USP34: variants seen among roughly 807,000 people sequenced by gnomAD.
USP34 encodes ubiquitin carboxyl-terminal hydrolase 34.
USP34 carries 70 observed loss-of-function variants against 460.3 expected under a neutral mutation model. The ratio of observed to expected loss-of-function variants is 0.15; its 90% CI spans 0.13 to 0.19. The LOEUF (loss-of-function observed/expected upper bound fraction) is 0.19. Ranked by LOEUF, USP34 falls within the 10% of genes least tolerant of loss-of-function variation. USP34 has a pLI of 1.00. For synonymous variants in USP34, 1,647 were observed against 1,405.3 expected (o/e 1.17, Z -3.85); for missense variants, 3,985 against 4,236.2 (o/e 0.94, Z 1.65).
chr2:61,388,164 G>T (rs1693224845), intron 5 of USP34, among the ~76,000 whole-genome samples: 1 of 151,892 alleles, frequency 6.6e-6, no homozygotes, highest in Non-Finnish European at 1.5e-5. Flanking sequence ...GATCGCCTGA[G>T]CCCAGGAAGT....
chr2:61,350,179 C>T, intron 12 of USP34, 81 bp downstream of exon 12: 1 of 1,402,452 alleles, frequency 7.1e-7, no homozygotes. Flanking sequence ...AAAGATTGAA[C>T]TGAATGTATT....
chr2:61,454,947 TCTTGGCTCACTGCAAC>T (rs1291967035), intron 1 of USP34, among the ~76,000 whole-genome samples: 1 of 146,420 alleles, frequency 6.8e-6, no homozygotes, highest in Non-Finnish European at 1.5e-5. Flanking sequence ...AGTGGTGCCA[TCTTGGCTCACTGCAAC>T]CTCCACCTCC....
chr2:61,380,043 T>C (rs1448819119), intron 7 of USP34, 126 bp downstream of exon 7: 1 of 716,654 alleles, frequency 1.4e-6, no homozygotes, highest in Non-Finnish European at 2.2e-6. Context: ...GAAGACCATA[T>C]AAAGTAATCC....
chr2:61,384,073 C>G (rs191768777), intron 5 of USP34, among the ~76,000 whole-genome samples: 1 of 152,068 alleles, frequency 6.6e-6, no homozygotes, highest in Admixed American at 6.5e-5. Context: ...TTTCAAATTA[C>G]CCATAATTTC....
At position 61,236,358 on chromosome 2, in the gene USP34, T is replaced by A. The variant is rs1460105315; in HGVS notation, c.6809A>T (p.Gln2270Leu). The A allele has an allele frequency of 1.2e-6, 2 of 1,605,072 alleles. No individual in the cohort carries two copies. Among genetic ancestry groups the A allele is most frequent in the Non-Finnish European group, 8.5e-7 (1 of 1,176,416 alleles). ...TGTATGTTCAAAAATGTTTTTGTCT[T>A]GAAGAAACTGCATGTTATCATGCCA... ...WIWHDNMQFL[Q>L]DKNIFEHTYF... Residue 2270 changes from glutamine to leucine, a missense_variant, in exon 54 of 80, where the codon CAA becomes CTA. Transcript: ENST00000398571.
intron 1 of USP34, among the ~76,000 whole-genome samples, chr2:61,459,551 G>T (rs1471622753): frequency 6.6e-6 from 1 of 152,058 alleles, no homozygotes; most frequent in Non-Finnish European, 1.5e-5. Flanking sequence ...AAGACGGGCG[G>T]ATCACTTCAG....
At chr2:61,283,688 C>G (rs1413580643) in intron 35 of USP34, among the ~76,000 whole-genome samples, 3 of 152,058 alleles carry the variant, frequency 2.0e-5, no homozygotes, top group Non-Finnish European at 4.4e-5. Context: ...ATGATCATGG[C>G]TCACTGCAGC....
intron 75 of USP34, among the ~76,000 whole-genome samples, chr2:61,199,454 C>A (rs1429016661): frequency 6.6e-6 from 1 of 152,186 alleles, no homozygotes; most frequent in African/African-American, 2.4e-5. Context: ...CAGGGTTTTG[C>A]CATGTAGGCT....
chr2:61,458,883 T>C (rs573517343), intron 1 of USP34, among the ~76,000 whole-genome samples: 184 of 152,036 alleles, frequency 1.2e-3, no homozygotes, highest in African/African-American at 3.4e-3. Flanking sequence ...CTGGTCAACA[T>C]GGTGAAACCC....
Position 61,470,710 on chromosome 2 carries a change from C to T in USP34, c.-18G>A. The T allele has an allele frequency of 6.3e-7, 1 of 1,588,990 alleles. No homozygotes were observed. The highest frequency in any genetic ancestry group is 8.6e-7 in the Non-Finnish European group (1 of 1,167,092). On this transcript the variant is annotated 5_prime_UTR_variant, in exon 1 of 80. Coordinates refer to ENST00000398571, the MANE Select transcript of USP34 (RefSeq NM_014709.4). ...TCGCACATCGTTCGGCCGCCGCCCCCCCCCTCCCCCGCTTCGGATCACACT... is the reference window on the plus strand; with the variant it reads ...TCGCACATCGTTCGGCCGCCGCCCCTCCCCTCCCCCGCTTCGGATCACACT...
At position 61,310,106 on chromosome 2, in the gene USP34, C is replaced by G. The variant is rs570447781; in HGVS notation, c.3817+1434G>C. ...GGAAATGATGTTATTGGGTAGGACA[C>G]AATACTAGCTTCTACTAGTGTTCTA... On this transcript the variant is annotated intron_variant, in intron 27 of 79. Transcript: ENST00000398571. Among the ~76,000 whole-genome samples the G allele has an allele frequency of 9.8e-5, 15 of 152,290 alleles. 1 individual carries two copies. The South Asian group carries it at 2.3e-3, about 23-fold the overall frequency.
At chr2:61,429,828 G>A (rs1219041096) in intron 1 of USP34, among the ~76,000 whole-genome samples, 6 of 152,168 alleles carry the variant, frequency 3.9e-5, no homozygotes, top group Non-Finnish European at 7.4e-5. Flanking sequence ...TTGGGAGGCC[G>A]AGGCGGGCAG....
intron 2 of USP34, among the ~76,000 whole-genome samples, chr2:61,410,978 C>T (rs1007241590): frequency 2.0e-5 from 3 of 152,182 alleles, no homozygotes; most frequent in East Asian, 3.9e-4. Flanking sequence ...TTAAAACCTG[C>T]AGGTTCCCAT....
intron 1 of USP34, among the ~76,000 whole-genome samples, chr2:61,440,264 C>T (rs985395494): frequency 6.6e-6 from 1 of 152,138 alleles, no homozygotes; most frequent in Non-Finnish European, 1.5e-5. Flanking sequence ...CTCAAATTCC[C>T]TGAGGTCAAA....
At chr2:61,423,694 A>G (rs1292010799) in intron 1 of USP34, among the ~76,000 whole-genome samples, 1 of 152,192 alleles carries the variant, frequency 6.6e-6, no homozygotes, top group Non-Finnish European at 1.5e-5. Context: ...CTCCGATCCT[A>G]GTGCTTTGGT....
chr2:61,382,095 C>T (rs1692991231), intron 6 of USP34, among the ~76,000 whole-genome samples: 1 of 152,142 alleles, frequency 6.6e-6, no homozygotes, highest in Non-Finnish European at 1.5e-5. Flanking sequence ...AAGTAATCAT[C>T]ACTTTCCTTC....
chr2:61,326,174 G>A (rs1691082390), intron 20 of USP34, among the ~76,000 whole-genome samples: 1 of 151,946 alleles, frequency 6.6e-6, no homozygotes, highest in South Asian at 2.1e-4. Flanking sequence ...TTGGGGTGGA[G>A]GTAATCATCA....
intron 2 of USP34, among the ~76,000 whole-genome samples, chr2:61,407,499 A>G (rs1355043651): frequency 6.6e-6 from 1 of 152,250 alleles, no homozygotes; most frequent in Non-Finnish European, 1.5e-5. Context: ...CATCAGATCA[A>G]AACAACTATA....
At chr2:61,459,185 TA>T (rs1695525159) in intron 1 of USP34, among the ~76,000 whole-genome samples, 1 of 152,088 alleles carries the variant, frequency 6.6e-6, no homozygotes, top group East Asian at 1.9e-4. Flanking sequence ...TCTTAAAAAT[TA>T]AAAAATAAAA....
Sources: gnomAD v4.1 joint callset for allele counts (sites outside exome capture counted in the v4.1 genomes callset) on GRCh38, gnomAD v4.1.1 for gene constraint, MANE v1.5 for transcripts, NCBI Gene and HGNC (gene_info 2026-07-23, HGNC 2026-07-21) for gene names.